Variants in ZEB2 observed in about 807,000 individuals in gnomAD.
ZEB2 encodes the protein zinc finger E-box-binding homeobox 2.
ZEB2 carries 6 observed loss-of-function variants against 99.9 expected under a neutral mutation model. The ratio of observed to expected loss-of-function variants is 0.06; its 90% confidence interval spans 0.03 to 0.12. ZEB2 has a LOEUF of 0.12. ZEB2 is among the 10% of genes least tolerant of loss of function. The pLI is 1.00. For missense variants in ZEB2, 969 were observed against 1,502.8 expected (o/e 0.64, Z 5.87); for synonymous variants, 517 against 542.5 (o/e 0.95, Z 0.65).
At chr2:144,401,355 G>A in intron 6 of ZEB2, 48 bp from the exon 7 acceptor site, 1 of 1,581,706 alleles carries the variant, frequency 6.3e-7, no homozygotes, top group South Asian at 1.1e-5. Context: ...GAGGAACAAA[G>A]AAAATTTGTT....
chr2:144,430,057 A>C (rs980330412), intron 2 of ZEB2, 31 bp from the exon 3 acceptor site: 4 of 1,609,452 alleles, frequency 2.5e-6, no homozygotes, highest in Non-Finnish European at 2.5e-6. Context: ...ACACTCTCTA[A>C]ACACTCTGTT....
intron 2 of ZEB2, among the ~76,000 whole-genome samples, chr2:144,475,494 G>A (rs547797498): frequency 8.5e-4 from 129 of 151,934 alleles, no homozygotes; most frequent in Non-Finnish European, 1.5e-3. Context: ...ATATGTGCGT[G>A]TATATATATA....
chr2:144,513,528 T>C (rs1223813746), intron 2 of ZEB2: 4 of 1,529,536 alleles, frequency 2.6e-6, no homozygotes, highest in East Asian at 4.9e-5. Flanking sequence ...TTTCTTTCTC[T>C]GAAACAAGCA....
intron 4 of ZEB2, among the ~76,000 whole-genome samples, chr2:144,411,057 C>CTATATATATATA (rs4008310): frequency 7.4e-5 from 3 of 40,776 alleles, no homozygotes; most frequent in Non-Finnish European, 9.2e-5. Flanking sequence ...ACAGACATGT[C>CTATATATATATA]TATATATATA....
rs144921827 is a variant in ZEB2 at position 144,470,641 on chromosome 2, C to A, written c.74-40615G>T. Reference sequence around the variant, plus strand: ...TGATGTTAGGTTATTAACCCTATCACCACCGTAAAACATCATTATTGTGTG... The same window carrying A: ...TGATGTTAGGTTATTAACCCTATCAACACCGTAAAACATCATTATTGTGTG... On this transcript the variant is annotated intron_variant, in intron 2 of 9. Transcript: ENST00000627532. 6.5e-4 allele frequency: 99 copies of A among 152,236 alleles called. 2 individuals carry two copies. The East Asian group carries it at 0.018, about 28-fold the overall frequency. The allele number at this position is 152,236 out of a possible 1,614,324, so 9.4% of individuals were successfully genotyped here. A position where few individuals can be genotyped will look rare whatever the true frequency, so the allele number is the denominator to read the frequency against.
At chr2:144,491,462 T>A (rs961879349) in intron 2 of ZEB2, among the ~76,000 whole-genome samples, 8 of 152,122 alleles carry the variant, frequency 5.3e-5, no homozygotes, top group Non-Finnish European at 1.0e-4. Flanking sequence ...TATAAATATA[T>A]CTTTTCTGCT....
At chr2:144,447,717 T>G (rs529346291) in intron 2 of ZEB2, among the ~76,000 whole-genome samples, 1 of 152,310 alleles carries the variant, frequency 6.6e-6, no homozygotes, top group African/African-American at 2.4e-5. Context: ...GACTGCAGCT[T>G]CGCATGCCCT....
At chr2:144,451,954 T>C (rs1704060152) in intron 2 of ZEB2, among the ~76,000 whole-genome samples, 1 of 152,198 alleles carries the variant, frequency 6.6e-6, no homozygotes, top group African/African-American at 2.4e-5. Flanking sequence ...CTATTTTTTT[T>C]CTCCAAATAA....
At chr2:144,452,980 A>AT (rs11408751) in intron 2 of ZEB2, among the ~76,000 whole-genome samples, 15,081 of 151,178 alleles carry the variant, frequency 0.1, 2,327 homozygotes, top group African/African-American at 0.33. Flanking sequence ...AAGGGAATTC[A>AT]TTTTTTTTTA....
rs570280023 is a variant in ZEB2, at chr2:144,388,221, G to A, written c.*1230C>T. 1.3e-5 allele frequency: 2 copies of A among 152,370 alleles called. No homozygotes were observed. Among genetic ancestry groups the A allele is most frequent in the Non-Finnish European group, 2.9e-5 (2 of 67,946 alleles). The allele number at this position is 152,370 out of a possible 1,614,324, so 9.4% of individuals were successfully genotyped here. ...GAAAATACAGTGTTTTCACAAGATC[G>A]TATCAAAAGTTCCCAAATTTGGAAT... On this transcript the variant is annotated 3_prime_UTR_variant, in exon 10 of 10. Transcript: ENST00000627532. This position sits in a 1 kb window ranked among gnomAD's most constrained non-coding sequence, Gnocchi z 5.4.
intron 2 of ZEB2, among the ~76,000 whole-genome samples, chr2:144,476,393 T>G (rs111763617): frequency 6.6e-6 from 1 of 152,182 alleles, no homozygotes; most frequent in African/African-American, 2.4e-5. Context: ...CAAAATAGAC[T>G]TGAAGCTCAG....
intron 9 of ZEB2, chr2:144,390,455 C>A: frequency 3.3e-6 from 1 of 303,460 alleles, no homozygotes; most frequent in Non-Finnish European, 6.4e-6. Context: ...CTGGCATTGG[C>A]ATGTATATCC....
intron 2 of ZEB2, among the ~76,000 whole-genome samples, chr2:144,506,605 A>G (rs1022832059): frequency 1.3e-5 from 2 of 152,234 alleles, no homozygotes; most frequent in Non-Finnish European, 2.9e-5. Context: ...TATACAAGAC[A>G]ATAAATACTT....
intron 2 of ZEB2, among the ~76,000 whole-genome samples, chr2:144,489,904 A>AT (rs1704652012): frequency 6.6e-6 from 1 of 152,246 alleles, no homozygotes; most frequent in Non-Finnish European, 1.5e-5. Flanking sequence ...AACAGTGGAC[A>AT]TTCCTTCTGA....
chr2:144,403,813 T>C, intron 6 of ZEB2, 103 bp downstream of exon 6: 1 of 1,448,818 alleles, frequency 6.9e-7, no homozygotes, highest in Non-Finnish European at 9.6e-7. Flanking sequence ...AAGATCTGCA[T>C]CTTCAAAATG....
rs1023678004 is a variant in ZEB2, at chr2:144,511,645, C to G, written c.73+5633G>C. ...TTCAATAGATTTTCCAAGTGGTAAGCTGATGCTGTTGGCATAAACAGAGCT... is the reference window on the plus strand; with the variant it reads ...TTCAATAGATTTTCCAAGTGGTAAGGTGATGCTGTTGGCATAAACAGAGCT... On this transcript the variant is annotated intron_variant, in intron 2 of 9. Transcript: ENST00000627532. The G allele has an allele frequency of 1.1e-5, 14 of 1,287,118 alleles. No individual in the cohort carries two copies. In the African/African-American group the frequency reaches 1.8e-4, roughly 17 times the overall value. The allele number at this position is 1,287,118 out of a possible 1,614,324, so 79.7% of individuals were successfully genotyped here. A position where few individuals can be genotyped will look rare whatever the true frequency, so the allele number is the denominator to read the frequency against.
intron 4 of ZEB2, among the ~76,000 whole-genome samples, chr2:144,423,014 ACACT>A (rs912554014): frequency 2.0e-5 from 3 of 152,200 alleles, no homozygotes; most frequent in Non-Finnish European, 2.9e-5. Flanking sequence ...TATATAGAAC[ACACT>A]CAATGAACAC....
intron 2 of ZEB2, chr2:144,495,656 T>G (rs1334041389): frequency 1.3e-5 from 2 of 152,240 alleles, no homozygotes; most frequent in African/African-American, 4.8e-5. Flanking sequence ...GTGAGCAAAG[T>G]ACTGTGCATG....
At chr2:144,479,172 CTAT>C (rs1704472078) in intron 2 of ZEB2, among the ~76,000 whole-genome samples, 1 of 152,158 alleles carries the variant, frequency 6.6e-6, no homozygotes, top group South Asian at 2.1e-4. Context: ...TTTTTATGAT[CTAT>C]TACCACTTGG....
Sources: gnomAD v4.1 joint callset for allele counts (sites outside exome capture counted in the v4.1 genomes callset) on GRCh38, gnomAD v4.1.1 for gene constraint, Gnocchi (gnomAD v3.1) non-coding constraint, MANE v1.5 for transcripts, NCBI Gene and HGNC (gene_info 2026-07-23, HGNC 2026-07-21) for gene names.